The following MOXD1 variants were observed in gnomAD, a reference collection of about 807,000 sequenced individuals.
MOXD1 encodes DBH-like monooxygenase protein 1.
Under a neutral mutation model 66.6 loss-of-function variants are expected in MOXD1, and 62 were observed. The ratio of observed to expected loss-of-function variants is 0.93; its 90% CI spans 0.76 to 1.15. MOXD1 has a LOEUF of 1.15. Ranked by LOEUF, MOXD1 falls within the 50% of genes most tolerant of loss-of-function variation. The pLI is 0.00. For missense variants in MOXD1, 847 were observed against 754.6 expected (o/e 1.12, Z -1.44); for synonymous variants, 303 against 281.9 (o/e 1.07, Z -0.75).
intron 1 of MOXD1, among the ~76,000 whole-genome samples, chr6:132,375,958 TG>T (rs1305648431): frequency 1.3e-5 from 2 of 152,224 alleles, no homozygotes; most frequent in Non-Finnish European, 2.9e-5. Context: ...ACTGCCTACA[TG>T]GTTAGCGCCC....
At chr6:132,306,308 T>C (rs1437505038) in intron 10 of MOXD1, among the ~76,000 whole-genome samples, 1 of 151,324 alleles carries the variant, frequency 6.6e-6, no homozygotes, top group Non-Finnish European at 1.5e-5. Context: ...CAGACAAGAC[T>C]AGAGAAAAAA....
At position 132,363,147 on chromosome 6, in the gene MOXD1, C is replaced by A. The variant is rs1776047601; in HGVS notation, c.663+9461G>T. On this transcript the variant is annotated intron_variant, in intron 4 of 11. Coordinates refer to ENST00000367963, the MANE Select transcript of MOXD1 (RefSeq NM_015529.4). ...TCCGTAGGACTCAAAAGTAGTCCAG[C>A]AGAATATAGTATTTTGCACTTCCAA... Among the ~76,000 whole-genome samples, 4 of 151,074 alleles carry A rather than the reference C, an allele frequency of 2.6e-5. No individual in the cohort carries two copies. In the South Asian group the frequency reaches 8.4e-4, roughly 32 times the overall value.
rs868356526 is a variant in MOXD1, at chr6:132,378,977, G to C, written c.265-4200C>G. On this transcript the variant is annotated intron_variant, in intron 1 of 11. Coordinates refer to ENST00000367963, the MANE Select transcript of MOXD1 (RefSeq NM_015529.4). ...CAATGGCATGATGTCAGCTTGGTGCGATCTCAGTTTACTGCAACCTCCGCC... is the reference window on the plus strand; with the variant it reads ...CAATGGCATGATGTCAGCTTGGTGCCATCTCAGTTTACTGCAACCTCCGCC... Among the ~76,000 whole-genome samples, 5 of 132,034 alleles carry C rather than the reference G, an allele frequency of 3.8e-5. No individual in the cohort carries two copies. In the South Asian group the frequency reaches 9.4e-4, roughly 25 times the overall value. 86.6% of individuals were successfully genotyped at this position (132,034 alleles called of 152,430 possible). A position where few individuals can be genotyped will look rare whatever the true frequency, so the allele number is the denominator to read the frequency against.
At position 132,342,450 on chromosome 6, in the gene MOXD1, T is replaced by C. The variant is rs572387187; in HGVS notation, c.664-13856A>G. 2.6e-5 allele frequency among the ~76,000 whole-genome samples: 4 copies of C among 152,368 alleles called. No individual in the cohort carries two copies. The South Asian group carries it at 6.2e-4, about 24-fold the overall frequency. Reference sequence around the variant, plus strand: ...TGAATGCAATTATTTCATATGCAAATTTTTTCTCCTTAGTTGGAGTAACAG... The same window carrying C: ...TGAATGCAATTATTTCATATGCAAACTTTTTCTCCTTAGTTGGAGTAACAG... On this transcript the variant is annotated intron_variant, in intron 4 of 11. Coordinates refer to ENST00000367963, the MANE Select transcript of MOXD1 (RefSeq NM_015529.4).
chr6:132,359,135 T>C lies in MOXD1; in HGVS notation c.663+13473A>G, dbSNP rs202123458. On this transcript the variant is annotated intron_variant, in intron 4 of 11. Transcript: ENST00000367963. ...CTGCAGCTTTCCTTTTTTTTTTTTT[T>C]CTGAGGCAGGATCTTGCTCTGTCTC... Among the ~76,000 whole-genome samples, 599 of 151,078 alleles carry C rather than the reference T, an allele frequency of 4.0e-3. 4 individuals carry two copies. The highest frequency in any genetic ancestry group is 0.024 in the Middle Eastern group (7 of 290).
At chr6:132,384,206 TCTTC>T (rs1776567456) in intron 1 of MOXD1, among the ~76,000 whole-genome samples, 3 of 141,390 alleles carry the variant, frequency 2.1e-5, no homozygotes, top group Admixed American at 7.2e-5. Flanking sequence ...TCCCTCCCTC[TCTTC>T]CTTCCTTCCT....
At chr6:132,322,169 A>G (rs1775089735) in intron 8 of MOXD1, among the ~76,000 whole-genome samples, 1 of 152,202 alleles carries the variant, frequency 6.6e-6, no homozygotes, top group African/African-American at 2.4e-5. Context: ...TCTCTCCTTC[A>G]CCATAACCCC....
chr6:132,334,021 G>T (rs1487729912), intron 4 of MOXD1, among the ~76,000 whole-genome samples: 1 of 152,150 alleles, frequency 6.6e-6, no homozygotes, highest in Non-Finnish European at 1.5e-5. Context: ...CCAAAACCAA[G>T]GTGGAAATTA....
Position 132,386,265 on chromosome 6 carries a change from C to A in MOXD1, c.265-11488G>T, listed in dbSNP as rs528772715. Among the ~76,000 whole-genome samples the A allele has an allele frequency of 2.5e-3, 314 of 123,696 alleles. 12 individuals are homozygous for A. Among genetic ancestry groups the A allele is most frequent in the African/African-American group, 8.9e-3 (278 of 31,292 alleles). 81.1% of individuals were successfully genotyped at this position (123,696 alleles called of 152,430 possible). On this transcript the variant is annotated intron_variant, in intron 1 of 11. Coordinates refer to ENST00000367963, the MANE Select transcript of MOXD1 (RefSeq NM_015529.4). ...AAAATACAAAAAATTAGCCGGGCTT[C>A]GTGGCGGGCGCCTGTAGTCCCAGCT... is the stretch of plus-strand genomic sequence containing the variant.
intron 4 of MOXD1, among the ~76,000 whole-genome samples, chr6:132,360,743 T>C (rs1003700593): frequency 3.3e-5 from 5 of 152,188 alleles, no homozygotes; most frequent in African/African-American, 4.8e-5. Flanking sequence ...AACTACGTGT[T>C]ATATTGCTCT....
chr6:132,335,393 G>C (rs1423103210), intron 4 of MOXD1, among the ~76,000 whole-genome samples: 2 of 152,070 alleles, frequency 1.3e-5, no homozygotes, highest in African/African-American at 4.8e-5. Flanking sequence ...TTTTGCAGAT[G>C]TAATTGGTTG....
At chr6:132,329,203 G>C (rs902730183) in intron 4 of MOXD1, among the ~76,000 whole-genome samples, 1 of 152,160 alleles carries the variant, frequency 6.6e-6, no homozygotes, top group Non-Finnish European at 1.5e-5. Flanking sequence ...CTATGAGTGA[G>C]AACATGCGGT....
At chr6:132,379,809 ACTGTAGT>A (rs1018833297) in intron 1 of MOXD1, among the ~76,000 whole-genome samples, 10 of 152,116 alleles carry the variant, frequency 6.6e-5, no homozygotes, top group Non-Finnish European at 1.5e-4. Flanking sequence ...TAAATTCAAA[ACTGTAGT>A]CTTTATTTTT....
intron 1 of MOXD1, among the ~76,000 whole-genome samples, chr6:132,395,423 A>G (rs1577995): frequency 0.17 from 26,012 of 152,142 alleles, 2,611 homozygotes; most frequent in Middle Eastern, 0.26. Flanking sequence ...CTACAGAAAA[A>G]CCACAAAACC....
intron 4 of MOXD1, among the ~76,000 whole-genome samples, chr6:132,371,868 T>G (rs2114660550): frequency 6.6e-6 from 1 of 152,332 alleles, no homozygotes; most frequent in Middle Eastern, 3.4e-3. Context: ...GTATGCACTA[T>G]TTAATTCTAT....
intron 1 of MOXD1, among the ~76,000 whole-genome samples, chr6:132,395,089 C>T (rs761307402): frequency 7.2e-5 from 11 of 152,090 alleles, no homozygotes; most frequent in Non-Finnish European, 1.2e-4. Context: ...AAAGGTACGT[C>T]TGTCAGACTA....
intron 4 of MOXD1, among the ~76,000 whole-genome samples, chr6:132,351,223 C>A (rs902798037): frequency 5.9e-4 from 90 of 152,226 alleles, no homozygotes; most frequent in Non-Finnish European, 2.5e-4. Flanking sequence ...TGTTCCAGTT[C>A]TCAGAGGGAA....
In MOXD1 at chr6:132,297,840, G is replaced by C. The variant is rs1167188603; in HGVS notation, c.1624C>G (p.Leu542Val). 2 of 1,613,216 alleles carry C rather than the reference G, an allele frequency of 1.2e-6. No individual in the cohort carries two copies. The highest frequency in any genetic ancestry group is 1.7e-6 in the Non-Finnish European group (2 of 1,179,546). The stretch of plus-strand genomic sequence containing the variant: ...CATCTCACATTCACTGGCAGGCTGA[G>C]GACCAGCTTGTTGAAGGAGAGACCT... ...KEGLSFNKLV[L>V]SLPVNVRCSK... Residue 542 changes from leucine (L) to valine (V), a missense_variant, in exon 11 of 12, where the codon CTC becomes GTC. Physicochemically the swap from Leu to Val is conservative, Grantham distance 32. Coordinates refer to ENST00000367963, the MANE Select transcript of MOXD1 (RefSeq NM_015529.4).
At chr6:132,332,686 C>A (rs1020323071) in intron 4 of MOXD1, among the ~76,000 whole-genome samples, 1 of 152,194 alleles carries the variant, frequency 6.6e-6, no homozygotes, top group African/African-American at 2.4e-5. Flanking sequence ...GGATTTCCCA[C>A]AATGCTTCAC....
Sources: allele counts gnomAD v4.1 joint callset (sites outside exome capture counted in the v4.1 genomes callset), GRCh38; gene constraint gnomAD v4.1.1; transcripts MANE v1.5; gene names NCBI Gene and HGNC (gene_info 2026-07-23, HGNC 2026-07-21).